The following GPR149 variants were observed in gnomAD, a reference collection of about 807,000 sequenced individuals.
The protein encoded by GPR149 is G protein-coupled receptor 149.
A neutral mutation model predicts 50.2 loss-of-function variants in GPR149; 50 were observed. The observed-to-expected ratio is 1.00, with a 90% confidence interval of 0.79 to 1.26. The LOEUF (loss-of-function observed/expected upper bound fraction) is 1.26. Ranked by LOEUF, GPR149 falls within the 50% of genes most tolerant of loss-of-function variation. The pLI is 0.00. For synonymous variants in GPR149, 405 were observed against 358.2 expected, an observed-to-expected ratio of 1.13 and a Z score of -1.48; for missense variants, 983 against 895.4, an observed-to-expected ratio of 1.10 and a Z score of -1.25.
At chr3:154,338,839 C>T (rs554787783) in intron 3 of GPR149, among the ~76,000 whole-genome samples, 1 of 152,106 alleles carries the variant, frequency 6.6e-6, no homozygotes, top group Non-Finnish European at 1.5e-5. Flanking sequence ...AAAGAGCGTA[C>T]TTTTCCACAG....
chr3:154,359,348 T>C (rs1363701291), intron 3 of GPR149, among the ~76,000 whole-genome samples: 4 of 152,318 alleles, frequency 2.6e-5, no homozygotes, highest in South Asian at 2.1e-4. Context: ...GGAAGTTACA[T>C]GCTATTTGGA....
chr3:154,405,609 A>C (rs1217592819), intron 3 of GPR149, among the ~76,000 whole-genome samples: 1 of 136,446 alleles, frequency 7.3e-6, no homozygotes, highest in African/African-American at 2.6e-5. Context: ...AAAAAAAAGT[A>C]GAAAGCCTAG....
At chr3:154,406,393 G>A (rs544684378) in intron 3 of GPR149, among the ~76,000 whole-genome samples, 18 of 152,262 alleles carry the variant, frequency 1.2e-4, no homozygotes, top group Admixed American at 3.3e-4. Context: ...TTATTTGACC[G>A]AGAAACTCTA....
At position 154,383,624 on chromosome 3, in the gene GPR149, T is replaced by C. The variant is rs983313856; in HGVS notation, c.1623+37415A>G. Among the ~76,000 whole-genome samples, 3 of 152,234 alleles carry C rather than the reference T, an allele frequency of 2.0e-5. No individual in the cohort carries two copies. In the East Asian group the frequency reaches 5.8e-4, roughly 30 times the overall value. ...TGATTTATACTTTGTGTGGCAAATT[T>C]TTCAGTGTTTAGAGTTCATGGGCAT... On this transcript the variant is annotated intron_variant, in intron 3 of 3. Coordinates refer to ENST00000389740, the MANE Select transcript of GPR149 (RefSeq NM_001038705.3).
chr3:154,387,370 A>G lies in GPR149; in HGVS notation c.1623+33669T>C, dbSNP rs143565184. On this transcript the variant is annotated intron_variant, in intron 3 of 3. Transcript: ENST00000389740. ...TCTGATCTCTGAGTTACTTGAGAAC[A>G]AGGGCTTGGTCTTATTTGGCACTGA... Among the ~76,000 whole-genome samples the G allele has an allele frequency of 6.9e-4, 105 of 152,344 alleles. No individual in the cohort carries two copies. The East Asian group carries it at 0.02, about 29-fold the overall frequency.
At chr3:154,369,529 C>T (rs1386665428) in intron 3 of GPR149, among the ~76,000 whole-genome samples, 3 of 152,156 alleles carry the variant, frequency 2.0e-5, no homozygotes, top group Admixed American at 6.5e-5. Context: ...CCAACTGACT[C>T]TCCTCCATCC....
intron 1 of GPR149, 24 bp from the exon 2 acceptor site, chr3:154,427,732 A>C (rs758517976): frequency 1.3e-6 from 2 of 1,591,902 alleles, no homozygotes; most frequent in South Asian, 2.3e-5. Context: ...AGAACTTCAG[A>C]CCTAACCTAA....
intron 3 of GPR149, among the ~76,000 whole-genome samples, chr3:154,355,129 G>A (rs911895937): frequency 6.6e-6 from 1 of 152,172 alleles, no homozygotes. Context: ...CTGGGTTCAA[G>A]CGGTTGTCCT....
At chr3:154,417,241 T>C (rs949773076) in intron 3 of GPR149, among the ~76,000 whole-genome samples, 22 of 152,164 alleles carry the variant, frequency 1.4e-4, no homozygotes, top group African/African-American at 5.3e-4. Context: ...CTTAGATTTC[T>C]ACTTATTAGG....
intron 3 of GPR149, among the ~76,000 whole-genome samples, chr3:154,351,681 A>G (rs1325700227): frequency 6.6e-6 from 1 of 152,172 alleles, no homozygotes; most frequent in Non-Finnish European, 1.5e-5. Context: ...TGAATAGCAA[A>G]AGACAGACAA....
chr3:154,382,793 T>C (rs1714958024), intron 3 of GPR149, among the ~76,000 whole-genome samples: 1 of 152,224 alleles, frequency 6.6e-6, no homozygotes, highest in Non-Finnish European at 1.5e-5. Flanking sequence ...TAATTTAATA[T>C]ACTCAAATTA....
At chr3:154,376,841 A>G (rs930126547) in intron 3 of GPR149, among the ~76,000 whole-genome samples, 1 of 152,222 alleles carries the variant, frequency 6.6e-6, no homozygotes, top group Non-Finnish European at 1.5e-5. Context: ...ACCATTTTAC[A>G]GATGGATGCC....
Position 154,337,310 on chromosome 3 carries a change from T to G in GPR149, c.*389A>C, listed in dbSNP as rs900388468. Among the ~76,000 whole-genome samples, 9 of 152,192 alleles carry G rather than the reference T, an allele frequency of 5.9e-5. No individual in the cohort carries two copies. The highest frequency in any genetic ancestry group is 2.2e-4 in the African/African-American group (9 of 41,450). On this transcript the variant is annotated 3_prime_UTR_variant, in exon 4 of 4. Coordinates refer to ENST00000389740, the MANE Select transcript of GPR149 (RefSeq NM_001038705.3). Reference sequence around the variant, plus strand: ...CTTCCATTCCCAGAATTCCTCTTTTTTCCCCTTTGCAGTAAAGGCCAACAT... The same window carrying G: ...CTTCCATTCCCAGAATTCCTCTTTTGTCCCCTTTGCAGTAAAGGCCAACAT...
intron 3 of GPR149, among the ~76,000 whole-genome samples, chr3:154,357,712 C>A (rs1359177843): frequency 1.3e-5 from 2 of 152,188 alleles, no homozygotes; most frequent in Non-Finnish European, 2.9e-5. Flanking sequence ...CTAGTTCGAC[C>A]ATTGTGGAAG....
At chr3:154,422,534 C>G (rs1712176593) in intron 2 of GPR149, among the ~76,000 whole-genome samples, 1 of 151,690 alleles carries the variant, frequency 6.6e-6, no homozygotes, top group Non-Finnish European at 1.5e-5. Context: ...AAGCTATAAT[C>G]TTTCTATGGA....
chr3:154,381,490 T>G (rs567564416), intron 3 of GPR149, among the ~76,000 whole-genome samples: 80 of 152,342 alleles, frequency 5.3e-4, no homozygotes, highest in Non-Finnish European at 9.1e-4. Context: ...AAGGTTTTAC[T>G]ATTTTAATGG....
chr3:154,335,204 G>A lies in GPR149; in HGVS notation c.*2495C>T, dbSNP rs1415976222. 1 of 152,116 alleles carries A rather than the reference G, an allele frequency of 6.6e-6. No individual in the cohort carries two copies. The highest frequency in any genetic ancestry group is 3.2e-3 in the Middle Eastern group (1 of 316). The allele number at this position is 152,116 out of a possible 1,614,324, so 9.4% of individuals were successfully genotyped here. Reference sequence around the variant, plus strand: ...AAAAGAGAAAACTATACAAAATATAGTATTTATTAATAAGAAGAACAATAT... The same window carrying A: ...AAAAGAGAAAACTATACAAAATATAATATTTATTAATAAGAAGAACAATAT... On this transcript the variant is annotated 3_prime_UTR_variant, in exon 4 of 4. Coordinates refer to ENST00000389740, the MANE Select transcript of GPR149 (RefSeq NM_001038705.3).
At chr3:154,393,340 C>T (rs1283636157) in intron 3 of GPR149, among the ~76,000 whole-genome samples, 3 of 151,950 alleles carry the variant, frequency 2.0e-5, no homozygotes, top group African/African-American at 7.2e-5. Flanking sequence ...ACCACATGAT[C>T]TTAATAGATG....
chr3:154,387,433 T>C (rs1294495846), intron 3 of GPR149, among the ~76,000 whole-genome samples: 3 of 152,218 alleles, frequency 2.0e-5, no homozygotes, highest in African/African-American at 4.8e-5. Flanking sequence ...TGAATGTTTG[T>C]TGAGTGAATA....
Sources: allele counts gnomAD v4.1 joint callset (sites outside exome capture counted in the v4.1 genomes callset), GRCh38; gene constraint gnomAD v4.1.1; transcripts MANE v1.5; gene names NCBI Gene and HGNC (gene_info 2026-07-23, HGNC 2026-07-21).